Variants in AHCTF1 observed in about 807,000 individuals in gnomAD.
The protein encoded by AHCTF1 is protein ELYS.
Under a neutral mutation model 248.4 loss-of-function variants are expected in AHCTF1, and 24 were observed. The observed-to-expected ratio is 0.10, with a 90% CI of 0.07 to 0.14. The LOEUF (loss-of-function observed/expected upper bound fraction) is 0.14. Among genes scored for constraint, AHCTF1 ranks in the 10% least tolerant of loss-of-function variants. The pLI, the probability that AHCTF1 is intolerant of heterozygous loss-of-function variation, is 1.00. For synonymous variants in AHCTF1, 786 were observed against 929.8 expected, an observed-to-expected ratio of 0.85 and a Z score of 2.81; for missense variants, 2,206 against 2,636.2, an observed-to-expected ratio of 0.84 and a Z score of 3.57.
At chr1:246,872,846 A>C (rs1338423710) in intron 24 of AHCTF1, among the ~76,000 whole-genome samples, 1 of 152,168 alleles carries the variant, frequency 6.6e-6, no homozygotes, top group Non-Finnish European at 1.5e-5. Context: ...TAAAAATACA[A>C]ACTCTTAAAA....
intron 11 of AHCTF1, 82 bp downstream of exon 11, chr1:246,899,368 CT>C: frequency 4.3e-6 from 5 of 1,169,662 alleles, no homozygotes; most frequent in Non-Finnish European, 6.1e-6. Flanking sequence ...GTCAATATCA[CT>C]AAGTAAAACT....
intron 4 of AHCTF1, among the ~76,000 whole-genome samples, chr1:246,912,321 A>G (rs1665868557): frequency 6.6e-6 from 1 of 151,934 alleles, no homozygotes; most frequent in Non-Finnish European, 1.5e-5. Flanking sequence ...CTAAAAAAAA[A>G]AAAATACAAA....
chr1:246,890,438 A>C (rs1189782012), intron 16 of AHCTF1, among the ~76,000 whole-genome samples: 1 of 152,166 alleles, frequency 6.6e-6, no homozygotes, highest in African/African-American at 2.4e-5. Context: ...ATAAAATCTA[A>C]TGGCTTCCTG....
At chr1:246,857,577 T>G in intron 30 of AHCTF1, 114 bp downstream of exon 30, 1 of 1,118,780 alleles carries the variant, frequency 8.9e-7, no homozygotes, top group Non-Finnish European at 1.2e-6. Flanking sequence ...ATTACCAAAA[T>G]GGAGATGTTA....
At chr1:246,916,026 G>C (rs995692951) in intron 3 of AHCTF1, 116 bp downstream of exon 3, 2 of 1,217,144 alleles carry the variant, frequency 1.6e-6, no homozygotes, top group Non-Finnish European at 2.3e-6. Context: ...TTACATAAAA[G>C]TATACAAATT....
Position 246,903,980 on chromosome 1 carries a change from T to C in AHCTF1, c.935A>G (p.Lys312Arg). Residue 312 changes from lysine to arginine, a missense_variant, in exon 7 of 36, where the codon AAG (lysine) becomes AGG (arginine). By Grantham distance (26) the Lys-to-Arg change is conservative. Around this residue, in one of 6 missense-constraint regions of AHCTF1, gnomAD observed 650 missense variants for 870.8 expected, o/e 0.75. Coordinates refer to ENST00000648844, the MANE Select transcript of AHCTF1 (RefSeq NM_001323342.2). ...TAAGATTTGTCCTGATGCCAAACAC[T>C]TTCTATTACCAAAGGCCAGCTGCAG... ...HLLQLAFGNR[K>R]CLASGQILYE... is the part of the protein sequence containing the mutation. 3 of 1,614,046 alleles carry C rather than the reference T, an allele frequency of 1.9e-6. No homozygotes were observed. The highest frequency in any genetic ancestry group is 2.5e-6 in the Non-Finnish European group (3 of 1,180,010).
At chr1:246,869,945 C>T (rs1290456579) in intron 24 of AHCTF1, among the ~76,000 whole-genome samples, 4 of 152,178 alleles carry the variant, frequency 2.6e-5, no homozygotes, top group Non-Finnish European at 5.9e-5. Flanking sequence ...CGAACAAAGT[C>T]CTTTGAAAAC....
At chr1:246,896,640 G>T (rs1170665656) in intron 12 of AHCTF1, among the ~76,000 whole-genome samples, 1 of 152,176 alleles carries the variant, frequency 6.6e-6, no homozygotes, top group Non-Finnish European at 1.5e-5. Flanking sequence ...TCCTAAAATG[G>T]AATGTGATGA....
At chr1:246,848,785 T>G (rs572283485) in intron 33 of AHCTF1, among the ~76,000 whole-genome samples, 25 of 151,784 alleles carry the variant, frequency 1.6e-4, no homozygotes, top group Non-Finnish European at 3.4e-4. Context: ...AGGGGGCACA[T>G]GTTGCAGTGA....
At chr1:246,868,134 T>TC (rs1429530755) in intron 24 of AHCTF1, among the ~76,000 whole-genome samples, 2 of 149,402 alleles carry the variant, frequency 1.3e-5, no homozygotes, top group Non-Finnish European at 3.0e-5. Flanking sequence ...GCTAATTTTT[T>TC]TTTTTTTTTT....
At chr1:246,846,952 C>T (rs1454757774) in intron 33 of AHCTF1, among the ~76,000 whole-genome samples, 1 of 152,052 alleles carries the variant, frequency 6.6e-6, no homozygotes, top group Non-Finnish European at 1.5e-5. Flanking sequence ...GATGGGGTCC[C>T]ACTAAGTTGC....
intron 1 of AHCTF1, among the ~76,000 whole-genome samples, chr1:246,928,160 G>A (rs1008278249): frequency 1.7e-4 from 26 of 151,570 alleles, no homozygotes; most frequent in African/African-American, 4.8e-4. Flanking sequence ...AAAATTAGCC[G>A]GGCGTGGTGG....
chr1:246,872,051 C>CA (rs753977798), intron 24 of AHCTF1, among the ~76,000 whole-genome samples: 28,670 of 83,556 alleles, frequency 0.34, 3,818 homozygotes, highest in East Asian at 0.45. Flanking sequence ...CTATTAATGA[C>CA]AAAAAAAAAA....
At chr1:246,869,678 C>T (rs1182857325) in intron 24 of AHCTF1, among the ~76,000 whole-genome samples, 3 of 151,326 alleles carry the variant, frequency 2.0e-5, no homozygotes, top group South Asian at 2.1e-4. Context: ...CATGGTTTAC[C>T]GAATATTTTA....
At chr1:246,842,808 T>TTA in intron 34 of AHCTF1, 32 bp from the exon 35 acceptor site, 1 of 1,565,170 alleles carries the variant, frequency 6.4e-7, no homozygotes, top group Non-Finnish European at 8.8e-7. Context: ...AGGTTAAGTA[T>TTA]TAAACACGAA....
chr1:246,909,624 T>C (rs1052989538), intron 4 of AHCTF1, among the ~76,000 whole-genome samples: 1 of 152,176 alleles, frequency 6.6e-6, no homozygotes, highest in South Asian at 2.1e-4. Context: ...AGAGTGGTCA[T>C]GCTGGCAATT....
intron 1 of AHCTF1, chr1:246,931,204 G>T (rs1386676778): frequency 1.3e-6 from 2 of 1,550,288 alleles, no homozygotes; most frequent in Non-Finnish European, 8.7e-7. Context: ...TTCCCTCGGG[G>T]AAAGGCCCGC....
chr1:246,922,851 C>T (rs372894439), intron 1 of AHCTF1, among the ~76,000 whole-genome samples: 4 of 150,760 alleles, frequency 2.7e-5, no homozygotes, highest in Admixed American at 1.3e-4. Context: ...GGCGTGGTGG[C>T]AGGCGCCTGT....
chr1:246,888,895 G>C (rs115531817), intron 17 of AHCTF1, among the ~76,000 whole-genome samples: 1,722 of 152,268 alleles, frequency 0.011, 14 homozygotes, highest in Middle Eastern at 0.024. Flanking sequence ...CAGAGACCCT[G>C]TCTCTAAAAA....
Sources: gnomAD v4.1 joint callset for allele counts (sites outside exome capture counted in the v4.1 genomes callset) on GRCh38, gnomAD v4.1.1 for gene constraint, gnomAD v4.1.1 regional missense constraint, MANE v1.5 for transcripts, NCBI Gene and HGNC (gene_info 2026-07-23, HGNC 2026-07-21) for gene names.